The following ZNF536 variants were observed in gnomAD, a reference collection of about 807,000 sequenced individuals.
ZNF536 encodes zinc finger protein 536.
A neutral mutation model predicts 84.5 loss-of-function variants in ZNF536; 13 were observed. The ratio of observed to expected loss-of-function variants is 0.15; its 90% CI spans 0.10 to 0.24. ZNF536 has a LOEUF of 0.24. ZNF536 is among the 10% of genes least tolerant of loss of function. The pLI, the probability that ZNF536 is intolerant of heterozygous loss-of-function variation, is 1.00. For missense variants in ZNF536, 1,536 were observed against 1,747.5 expected, an observed-to-expected ratio of 0.88 and a Z score of 2.16; for synonymous variants, 811 against 742.5, an observed-to-expected ratio of 1.09 and a Z score of -1.50.
intron 1 of ZNF536, among the ~76,000 whole-genome samples, chr19:30,374,431 CTAA>C (rs1352117231): frequency 1.3e-5 from 2 of 152,168 alleles, no homozygotes; most frequent in African/African-American, 2.4e-5. Flanking sequence ...TTGCTCTGTA[CTAA>C]TGTGTTTTTC....
intron 2 of ZNF536, among the ~76,000 whole-genome samples, chr19:30,450,323 G>T (rs1040631364): frequency 6.6e-5 from 10 of 152,060 alleles, no homozygotes; most frequent in African/African-American, 1.7e-4. Context: ...GGGGGCTGGA[G>T]GGGGGGAGAG....
chr19:30,327,891 C>T (rs774045125), intron 2 of ZNF536, among the ~76,000 whole-genome samples: 19 of 152,164 alleles, frequency 1.2e-4, no homozygotes, highest in African/African-American at 3.6e-4. Context: ...GGTTGGAGAA[C>T]GGGGTTATAT....
chr19:30,626,255 G>A (rs1246767749), intron 1 of ZNF536, among the ~76,000 whole-genome samples: 2 of 152,196 alleles, frequency 1.3e-5, no homozygotes, highest in Non-Finnish European at 2.9e-5. Context: ...CCGATGGCCA[G>A]GGGATGCGTC....
At chr19:30,268,084 C>A (rs565365070) in intron 1 of ZNF536, among the ~76,000 whole-genome samples, 2 of 103,990 alleles carry the variant, frequency 1.9e-5, no homozygotes, top group South Asian at 3.6e-4. Flanking sequence ...TTCCCTCCCC[C>A]CCAGATATAT....
At position 30,266,790 on chromosome 19, in the gene ZNF536, G is replaced by C. The variant is rs150561423; in HGVS notation, c.-189-17282G>C. Reference sequence around the variant, plus strand: ...TTTAAAATACCTTCTACTTAAGGCAGGAAGAATGCATTTTAATTAAAATTA... The same window carrying C: ...TTTAAAATACCTTCTACTTAAGGCACGAAGAATGCATTTTAATTAAAATTA... On this transcript the variant is annotated intron_variant, in intron 1 of 5. Coordinates refer to the ZNF536 transcript ENST00000585628. 2.6e-3 allele frequency among the ~76,000 whole-genome samples: 396 copies of C among 152,206 alleles called. 2 individuals carry two copies. The highest frequency in any genetic ancestry group is 9.1e-3 in the African/African-American group (377 of 41,522).
chr19:30,345,920 G>A lies in ZNF536; in HGVS notation c.-119-6448G>A, dbSNP rs186963933. Among the ~76,000 whole-genome samples, 23 of 152,322 alleles carry A rather than the reference G, an allele frequency of 1.5e-4. No homozygotes were observed. In the East Asian group the frequency reaches 4.4e-3, roughly 29 times the overall value. On this transcript the variant is annotated intron_variant, in intron 2 of 5. Coordinates refer to the ZNF536 transcript ENST00000585628. ...TGGGACCGGGAGGCATCAGTCGGGA[G>A]GGCTGGAGAGTGTCTCATTCAAACT...
At chr19:30,467,499 T>G (rs2053463852) in intron 2 of ZNF536, among the ~76,000 whole-genome samples, 1 of 152,234 alleles carries the variant, frequency 6.6e-6, no homozygotes, top group South Asian at 2.1e-4. Context: ...TCCCGAATTT[T>G]CTTTATCCAA....
chr19:30,550,689 G>C (rs550618639), intron 4 of ZNF536, among the ~76,000 whole-genome samples: 2 of 152,294 alleles, frequency 1.3e-5, no homozygotes, highest in Non-Finnish European at 2.9e-5. Flanking sequence ...ACATCCTGTT[G>C]TTCGTTTAAG....
rs550039410 is a variant in ZNF536, at chr19:30,547,073, G to A, written c.2324-870G>A. Among the ~76,000 whole-genome samples, 4 of 152,206 alleles carry A rather than the reference G, an allele frequency of 2.6e-5. No individual in the cohort carries two copies. In the South Asian group the frequency reaches 6.2e-4, roughly 24 times the overall value. ...AAGCTATTTTTATTCTCTAGAAAGC[G>A]CTTATTATAGGTAAATTACACATTT... On this transcript the variant is annotated intron_variant, in intron 3 of 4. Coordinates refer to ENST00000355537, the MANE Select transcript of ZNF536 (RefSeq NM_014717.3).
At chr19:30,236,016 C>T (rs953368599) in intron 1 of ZNF536, among the ~76,000 whole-genome samples, 4 of 152,212 alleles carry the variant, frequency 2.6e-5, no homozygotes, top group Admixed American at 6.5e-5. Context: ...CGTTTCCACC[C>T]GAAAGAGGGT....
chr19:30,568,650 C>T (rs1048247101), intron 1 of ZNF536, among the ~76,000 whole-genome samples: 6 of 152,174 alleles, frequency 3.9e-5, no homozygotes, highest in Non-Finnish European at 7.3e-5. Context: ...CAGGGCAGGT[C>T]CAATCTGCTG....
intron 1 of ZNF536, among the ~76,000 whole-genome samples, chr19:30,275,425 G>T (rs767742424): frequency 6.0e-4 from 91 of 152,224 alleles, no homozygotes; most frequent in Non-Finnish European, 1.1e-3. Context: ...TGCTCCTGAG[G>T]ATACGGCCAT....
chr19:30,318,278 G>A (rs2046745820), intron 2 of ZNF536, among the ~76,000 whole-genome samples: 1 of 152,204 alleles, frequency 6.6e-6, no homozygotes, highest in African/African-American at 2.4e-5. Context: ...AGCTTACAAT[G>A]CATGAAGATG....
chr19:30,609,851 C>T (rs1490666239), intron 1 of ZNF536, among the ~76,000 whole-genome samples: 4 of 150,642 alleles, frequency 2.7e-5, no homozygotes, highest in Middle Eastern at 3.2e-3. Flanking sequence ...TCCACCCATC[C>T]GTCCATCCAT....
chr19:30,672,940 T>TC (rs911207020), intron 1 of ZNF536, among the ~76,000 whole-genome samples: 1 of 152,166 alleles, frequency 6.6e-6, no homozygotes, highest in Non-Finnish European at 1.5e-5. Context: ...CCAGCCCCTA[T>TC]CCTGTCTTGG....
chr19:30,284,227 T>A (rs1190504473), intron 2 of ZNF536: 1 of 152,318 alleles, frequency 6.6e-6, no homozygotes, highest in Non-Finnish European at 1.5e-5. Flanking sequence ...GGGCTGCTGA[T>A]CCCTATGCAG....
At chr19:30,349,309 C>T (rs868006436) in intron 2 of ZNF536, among the ~76,000 whole-genome samples, 5 of 152,164 alleles carry the variant, frequency 3.3e-5, no homozygotes, top group African/African-American at 9.7e-5. Flanking sequence ...GCCTGGGGCA[C>T]CTGTTGGTTC....
At chr19:30,509,640 T>C (rs2055328972) in intron 2 of ZNF536, among the ~76,000 whole-genome samples, 1 of 152,056 alleles carries the variant, frequency 6.6e-6, no homozygotes, top group East Asian at 1.9e-4. Flanking sequence ...AATTATTATA[T>C]CCATCATCTC....
intron 2 of ZNF536, among the ~76,000 whole-genome samples, chr19:30,505,149 A>T (rs1024463930): frequency 2.6e-5 from 4 of 151,284 alleles, no homozygotes; most frequent in African/African-American, 9.7e-5. Context: ...AAGCCCCCCA[A>T]ATAAGTGTCT....
Sources: allele counts gnomAD v4.1 joint callset (sites outside exome capture counted in the v4.1 genomes callset), GRCh38; gene constraint gnomAD v4.1.1; transcripts MANE v1.5; gene names NCBI Gene and HGNC (gene_info 2026-07-23, HGNC 2026-07-21).